The following FNDC3A variants were observed in gnomAD, a reference collection of about 807,000 sequenced individuals.
The protein encoded by FNDC3A is fibronectin type III domain containing 3A, also known as fibronectin type-III domain-containing protein 3A.
FNDC3A carries 32 observed loss-of-function variants against 148.9 expected under a neutral mutation model. The ratio of observed to expected loss-of-function variants is 0.21; its 90% confidence interval spans 0.16 to 0.29. FNDC3A has a LOEUF of 0.29. Ranked by LOEUF, FNDC3A falls within the 10% of genes least tolerant of loss-of-function variation. The probability of loss-of-function intolerance (pLI) is 1.00; values close to 1 mark genes in which losing one functional copy is unlikely to be tolerated. For synonymous variants in FNDC3A, 472 were observed against 473.6 expected (o/e 1.00, Z 0.04); for missense variants, 1,191 against 1,452.8 (o/e 0.82, Z 2.93).
chr13:49,090,151 G>T (rs527605326), intron 3 of FNDC3A, among the ~76,000 whole-genome samples: 2 of 152,138 alleles, frequency 1.3e-5, no homozygotes, highest in African/African-American at 4.8e-5. Context: ...GGCCAGACGC[G>T]CTGGCTCACA....
rs543962565 is a variant in FNDC3A, at chr13:49,106,773, C to CAAA, written c.176-7864_176-7862dup. 8.1e-3 allele frequency among the ~76,000 whole-genome samples: 643 copies of CAAA among 79,832 alleles called. 24 individuals carry two copies. The highest frequency in any genetic ancestry group is 0.029 in the African/African-American group (556 of 19,042). The allele number at this position is 79,832 out of a possible 152,430, so 52.4% of individuals were successfully genotyped here. ...TATATGTTTGTTAAGTGAATGAAAGCAAAAAAAAAAAAAAAAAAAACCAAC... is the reference window on the plus strand; with the variant it reads ...TATATGTTTGTTAAGTGAATGAAAGCAAAAAAAAAAAAAAAAAAAAAAACCAAC... On this transcript the variant is annotated intron_variant, in intron 3 of 25. Transcript: ENST00000492622.
At chr13:49,049,652 A>T (rs1875681005) in intron 2 of FNDC3A, among the ~76,000 whole-genome samples, 2 of 152,034 alleles carry the variant, frequency 1.3e-5, no homozygotes, top group South Asian at 4.1e-4. Context: ...TATCAGTAGT[A>T]ATAGCTCCTG....
At chr13:49,142,778 C>G (rs1477890041) in intron 7 of FNDC3A, among the ~76,000 whole-genome samples, 1 of 152,224 alleles carries the variant, frequency 6.6e-6, no homozygotes, top group Non-Finnish European at 1.5e-5. Flanking sequence ...AGATTCAATT[C>G]AAAATTCACT....
intron 2 of FNDC3A, among the ~76,000 whole-genome samples, chr13:49,011,530 T>C (rs1952346063): frequency 6.6e-6 from 1 of 152,192 alleles, no homozygotes; most frequent in Non-Finnish European, 1.5e-5. Flanking sequence ...CACCGGCGGC[T>C]GGCATCTTTG....
Position 49,017,818 on chromosome 13 carries a change from AT to A in FNDC3A, c.99+11532del, listed in dbSNP as rs538023839. ...CCTGGTGGTGACAAAATCTCTCAGC[AT>A]TTGCTTGTCTGTAAAGTATTTTATT... is the stretch of plus-strand genomic sequence containing the variant. On this transcript the variant is annotated intron_variant, in intron 2 of 25. Coordinates refer to ENST00000492622, the MANE Select transcript of FNDC3A (RefSeq NM_001079673.2). Among the ~76,000 whole-genome samples the A allele has an allele frequency of 1.4e-3, 209 of 151,778 alleles. 1 individual carries two copies. Among genetic ancestry groups the A allele is most frequent in the African/African-American group, 4.6e-3 (190 of 41,364 alleles).
intron 8 of FNDC3A, among the ~76,000 whole-genome samples, chr13:49,160,923 T>A (rs1431511057): frequency 1.3e-5 from 2 of 152,306 alleles, no homozygotes; most frequent in African/African-American, 2.4e-5. Context: ...CATGTAGTTA[T>A]GCGGTTTTGA....
At chr13:49,168,558 T>A in intron 9 of FNDC3A, 55 bp from the exon 10 acceptor site, 4 of 1,400,092 alleles carry the variant, frequency 2.9e-6, no homozygotes, top group Non-Finnish European at 3.9e-6. Context: ...GTGACACTAT[T>A]GAAAACAGGA....
rs77599133 is a variant in FNDC3A, at chr13:49,024,868, C to T, written c.99+18579C>T. On this transcript the variant is annotated intron_variant, in intron 2 of 25. Coordinates refer to ENST00000492622, the MANE Select transcript of FNDC3A (RefSeq NM_001079673.2). The stretch of plus-strand genomic sequence containing the variant: ...TCCCAAATTAGCCAACCCACTTATA[C>T]TGTTGTTTTTCCTTTCAATAATCAT... Among the ~76,000 whole-genome samples the T allele has an allele frequency of 9.6e-3, 1,460 of 151,970 alleles. 14 individuals are homozygous for T. The highest frequency in any genetic ancestry group is 0.023 in the African/African-American group (947 of 41,494).
intron 3 of FNDC3A, among the ~76,000 whole-genome samples, chr13:49,114,413 C>T (rs1431418494): frequency 9.4e-6 from 1 of 106,564 alleles, no homozygotes; most frequent in Non-Finnish European, 2.3e-5. Context: ...TCCAACCTCC[C>T]CGCCCCCCAC....
intron 8 of FNDC3A, among the ~76,000 whole-genome samples, chr13:49,159,041 A>G (rs893863947): frequency 2.6e-5 from 4 of 152,214 alleles, no homozygotes; most frequent in African/African-American, 7.2e-5. Flanking sequence ...TATAGCTTGA[A>G]GTCAGGTAGC....
At position 49,203,239 on chromosome 13, in the gene FNDC3A, T is replaced by C; in HGVS notation, c.3237T>C (p.Ile1079=). 1 of 1,607,670 alleles carries C rather than the reference T, an allele frequency of 6.2e-7. No individual in the cohort carries two copies. The highest frequency in any genetic ancestry group is 8.5e-7 in the Non-Finnish European group (1 of 1,174,428). Residue 1079 remains isoleucine (I), a synonymous_variant, in exon 25 of 26, where the codon ATT becomes ATC. Transcript: ENST00000492622. The part of the protein sequence containing the change: ...CLQPMKGDPV[I]YSLQVMLGKD... ...AGCCAATGAAAGGTGATCCAGTTAT[T>C]TACAGTCTTCAAGTTATGTTGGGAA...
intron 25 of FNDC3A, 77 bp from the exon 26 acceptor site, chr13:49,206,984 GCTTTCACATGAAAAACAATT>G: frequency 3.8e-6 from 3 of 792,448 alleles, no homozygotes; most frequent in Non-Finnish European, 6.2e-6. Flanking sequence ...GCATTCACTG[GCTTTCACATGAAAAACAATT>G]CTAACACTAG....
intron 2 of FNDC3A, among the ~76,000 whole-genome samples, chr13:49,025,528 A>G (rs1347844915): frequency 6.6e-6 from 1 of 152,096 alleles, no homozygotes; most frequent in East Asian, 1.9e-4. Flanking sequence ...CTATATACCT[A>G]TATAATACAG....
intron 2 of FNDC3A, among the ~76,000 whole-genome samples, chr13:49,070,246 C>T (rs960574611): frequency 2.6e-5 from 4 of 151,858 alleles, no homozygotes; most frequent in Non-Finnish European, 5.9e-5. Flanking sequence ...GTTCTCCTGC[C>T]GCAGCCTCCT....
intron 1 of FNDC3A, among the ~76,000 whole-genome samples, chr13:48,997,359 T>C (rs1952042225): frequency 6.6e-6 from 1 of 152,130 alleles, no homozygotes; most frequent in Admixed American, 6.5e-5. Context: ...AATACATGTA[T>C]AAGGAAACAA....
chr13:49,032,392 A>C (rs1874184722), intron 2 of FNDC3A, among the ~76,000 whole-genome samples: 1 of 152,238 alleles, frequency 6.6e-6, no homozygotes, highest in African/African-American at 2.4e-5. Flanking sequence ...TCAACAGAGA[A>C]ATGGATAAAC....
intron 4 of FNDC3A, among the ~76,000 whole-genome samples, chr13:49,121,866 C>G (rs900989587): frequency 1.3e-5 from 2 of 152,082 alleles, no homozygotes; most frequent in Admixed American, 6.5e-5. Context: ...GATAGCCTAA[C>G]AACCAAAAAA....
chr13:49,070,950 G>A (rs1877640051), intron 2 of FNDC3A, among the ~76,000 whole-genome samples: 1 of 142,686 alleles, frequency 7.0e-6, no homozygotes, highest in Non-Finnish European at 1.5e-5. Flanking sequence ...CCAGGTTGGA[G>A]TGCAGTGGTG....
At chr13:49,162,616 C>T (rs553444530) in intron 8 of FNDC3A, among the ~76,000 whole-genome samples, 20 of 152,310 alleles carry the variant, frequency 1.3e-4, no homozygotes, top group South Asian at 1.0e-3. Flanking sequence ...TCTGTCAACT[C>T]GTCAAAGTCA....
Sources: allele counts gnomAD v4.1 joint callset (sites outside exome capture counted in the v4.1 genomes callset), GRCh38; gene constraint gnomAD v4.1.1; transcripts MANE v1.5; gene names NCBI Gene and HGNC (gene_info 2026-07-23, HGNC 2026-07-21).